The following CYRIA variants were observed in gnomAD, a reference collection of about 807,000 sequenced individuals.
CYRIA encodes CYFIP related Rac1 interactor A.
A neutral mutation model predicts 43.9 loss-of-function variants in CYRIA; 15 were observed. That is an observed-to-expected ratio of 0.34 (90% CI 0.23 to 0.53). CYRIA has a LOEUF of 0.53. CYRIA is among the 20% of genes least tolerant of loss of function. The probability of loss-of-function intolerance (pLI) is 0.94; values close to 1 mark genes in which losing one functional copy is unlikely to be tolerated. For missense variants in CYRIA, 236 were observed against 394.2 expected (o/e 0.60, Z 3.40); for synonymous variants, 117 against 136.0 (o/e 0.86, Z 0.97).
intron 11 of CYRIA, among the ~76,000 whole-genome samples, chr2:16,554,661 G>T (rs900643402): frequency 6.6e-6 from 1 of 152,134 alleles, no homozygotes; most frequent in African/African-American, 2.4e-5. Flanking sequence ...TTTTCAAAAG[G>T]TACCCACATA....
At chr2:16,568,240 A>C (rs1278466143) in intron 3 of CYRIA, among the ~76,000 whole-genome samples, 2 of 151,622 alleles carry the variant, frequency 1.3e-5, no homozygotes, top group African/African-American at 2.4e-5. Context: ...AAAAAAAAAA[A>C]AAAAAAAAAC....
At chr2:16,574,864 C>A (rs73211538) in intron 3 of CYRIA, among the ~76,000 whole-genome samples, 1 of 152,096 alleles carries the variant, frequency 6.6e-6, no homozygotes, top group Non-Finnish European at 1.5e-5. Context: ...AAATGTGGGA[C>A]GGGTACCCCC....
At chr2:16,584,258 C>G (rs1332622389) in intron 3 of CYRIA, among the ~76,000 whole-genome samples, 1 of 152,138 alleles carries the variant, frequency 6.6e-6, no homozygotes, top group Non-Finnish European at 1.5e-5. Flanking sequence ...TCCATTTACA[C>G]TCCCTCCTTC....
chr2:16,640,862 C>T (rs951526471), intron 1 of CYRIA, among the ~76,000 whole-genome samples: 10 of 132,078 alleles, frequency 7.6e-5, no homozygotes, highest in Admixed American at 3.8e-4. Context: ...ATTTCATTAA[C>T]GAGGTGAAGC....
intron 1 of CYRIA, 88 bp from the exon 2 acceptor site, chr2:16,624,107 G>A (rs1055070905): frequency 6.6e-6 from 1 of 152,248 alleles, no homozygotes; most frequent in African/African-American, 2.4e-5. Context: ...AGAGCAGAGA[G>A]TCACAAGATC....
At chr2:16,598,783 G>A (rs1178732371) in intron 2 of CYRIA, among the ~76,000 whole-genome samples, 7 of 116,088 alleles carry the variant, frequency 6.0e-5, no homozygotes, top group East Asian at 2.0e-4. Flanking sequence ...GAGGAACTGC[G>A]TTCCTTTGGA....
In CYRIA at chr2:16,561,075, T is replaced by C. The variant is rs1391566626; in HGVS notation, c.631-6A>G. On this transcript the variant is annotated splice_polypyrimidine_tract_variant and splice_region_variant and intron_variant, in intron 8 of 11. Transcript: ENST00000381323. ...TCTATTGGCAGAGTTTTGTTCTAAA[T>C]GGGAGACACAAATGTACATTAGTCC... The C allele has an allele frequency of 1.2e-6, 2 of 1,613,606 alleles. No individual in the cohort carries two copies. The highest frequency in any genetic ancestry group is 1.7e-6 in the Non-Finnish European group (2 of 1,179,640).
chr2:16,632,219 T>C (rs1669347197), intron 1 of CYRIA, among the ~76,000 whole-genome samples: 1 of 152,218 alleles, frequency 6.6e-6, no homozygotes, highest in South Asian at 2.1e-4. Flanking sequence ...TCTCAATGCC[T>C]GGAAGTGCCC....
chr2:16,588,019 A>T lies in CYRIA; in HGVS notation c.70+31T>A, dbSNP rs373180608. The T allele has an allele frequency of 1.2e-3, 1,649 of 1,379,318 alleles. 2 individuals carry two copies. Among genetic ancestry groups the T allele is most frequent in the Middle Eastern group, 4.5e-3 (25 of 5,550 alleles). 85.4% of individuals were successfully genotyped at this position (1,379,318 alleles called of 1,614,324 possible). ...CAACAATCTATAAGGAATGTAAAAA[A>T]GTTTCCATTATTATAATTTTTGGAA... On this transcript the variant is annotated intron_variant, in intron 3 of 11. Coordinates refer to ENST00000381323, the MANE Select transcript of CYRIA (RefSeq NM_030797.4).
At chr2:16,619,475 T>C (rs1190204938) in intron 2 of CYRIA, among the ~76,000 whole-genome samples, 1 of 151,934 alleles carries the variant, frequency 6.6e-6, no homozygotes, top group Non-Finnish European at 1.5e-5. Context: ...GGAAATACAG[T>C]TTTCACTTAG....
At position 16,561,918 on chromosome 2, in the gene CYRIA, A is replaced by G. The variant is rs186994744; in HGVS notation, c.435+87T>C. The G allele has an allele frequency of 4.1e-4, 548 of 1,327,568 alleles. 3 individuals are homozygous for G. Among genetic ancestry groups the G allele is most frequent in the Non-Finnish European group, 1.6e-4 (151 of 965,154 alleles). 82.2% of individuals were successfully genotyped at this position (1,327,568 alleles called of 1,614,324 possible). A position where few individuals can be genotyped will look rare whatever the true frequency, so the allele number is the denominator to read the frequency against. On this transcript the variant is annotated intron_variant, in intron 6 of 11. Coordinates refer to ENST00000381323, the MANE Select transcript of CYRIA (RefSeq NM_030797.4). ...TTACATCTTACTCATTTCTCTACCC[A>G]CCCACCCCACAGCACTAACAGAACA...
At chr2:16,619,462 A>T (rs893428308) in intron 2 of CYRIA, among the ~76,000 whole-genome samples, 4 of 152,164 alleles carry the variant, frequency 2.6e-5, no homozygotes, top group Non-Finnish European at 5.9e-5. Flanking sequence ...GGAAGGTAGC[A>T]GGGGAAATAC....
chr2:16,578,456 C>A (rs547021090), intron 3 of CYRIA, among the ~76,000 whole-genome samples: 26 of 151,998 alleles, frequency 1.7e-4, no homozygotes, highest in Non-Finnish European at 3.4e-4. Flanking sequence ...AGACGAGGAT[C>A]CTAAAATAAC....
At chr2:16,630,339 G>A (rs1334824457) in intron 1 of CYRIA, among the ~76,000 whole-genome samples, 1 of 152,168 alleles carries the variant, frequency 6.6e-6, no homozygotes, top group Admixed American at 6.5e-5. Flanking sequence ...AGAGGACCCA[G>A]GCCACCCTCA....
At chr2:16,611,177 G>A (rs1360650232) in intron 2 of CYRIA, among the ~76,000 whole-genome samples, 1 of 150,052 alleles carries the variant, frequency 6.7e-6, no homozygotes, top group Non-Finnish European at 1.5e-5. Context: ...TCACAACATG[G>A]TGAAACCCTG....
At chr2:16,614,051 AG>A (rs1668695244) in intron 2 of CYRIA, among the ~76,000 whole-genome samples, 1 of 152,256 alleles carries the variant, frequency 6.6e-6, no homozygotes, top group South Asian at 2.1e-4. Flanking sequence ...ACTCAAGTTA[AG>A]GGTAAAAAGA....
intron 2 of CYRIA, among the ~76,000 whole-genome samples, chr2:16,602,150 T>A (rs1668237910): frequency 1.3e-5 from 2 of 152,348 alleles, no homozygotes; most frequent in South Asian, 4.1e-4. Flanking sequence ...GGGTTTATTT[T>A]CTAACATTTT....
chr2:16,632,345 A>G (rs1302234053), intron 1 of CYRIA, among the ~76,000 whole-genome samples: 1 of 152,208 alleles, frequency 6.6e-6, no homozygotes, highest in African/African-American at 2.4e-5. Context: ...AGCCTCTTCT[A>G]TAGAATGCTC....
rs1277523050 is a variant in CYRIA, at chr2:16,660,050, G to A, written c.-167+5730C>T. Among the ~76,000 whole-genome samples, 9 of 152,236 alleles carry A rather than the reference G, an allele frequency of 5.9e-5. No individual in the cohort carries two copies. In the South Asian group the frequency reaches 1.9e-3, roughly 32 times the overall value. On this transcript the variant is annotated intron_variant, in intron 1 of 11. Coordinates refer to ENST00000381323, the MANE Select transcript of CYRIA (RefSeq NM_030797.4). The stretch of plus-strand genomic sequence containing the variant: ...AACAGGGCTTCTCGCCTCCTTGAGA[G>A]GATTCCTTGAAAACACACTTGGTTC...
Sources: gnomAD v4.1 joint callset for allele counts (sites outside exome capture counted in the v4.1 genomes callset) on GRCh38, gnomAD v4.1.1 for gene constraint, MANE v1.5 for transcripts, NCBI Gene and HGNC (gene_info 2026-07-23, HGNC 2026-07-21) for gene names.